Variants in ACAN observed in about 807,000 individuals in gnomAD.
ACAN encodes aggrecan, also known as aggrecan core protein.
ACAN carries 47 observed loss-of-function variants against 169.1 expected under a neutral mutation model. That is an observed-to-expected ratio of 0.28 (90% CI 0.22 to 0.35). ACAN has a LOEUF of 0.35. Ranked by LOEUF, ACAN falls within the 10% of genes least tolerant of loss-of-function variation. ACAN has a pLI of 1.00. For synonymous variants in ACAN, 1,115 were observed against 1,112.2 expected (o/e 1.00, Z -0.05); for missense variants, 2,716 against 2,759.9 (o/e 0.98, Z 0.36).
rs1897433056 is a variant in ACAN, at chr15:88,873,593, C to A, written c.7448-249C>A. ...GGCTCTCGCCCTCCACACCTTTCTA[C>A]CTCCCTTTCATCTTCTCTTCATCCC... On this transcript the variant is annotated intron_variant, in intron 17 of 18. Coordinates refer to ENST00000560601, the MANE Select transcript of ACAN (RefSeq NM_001369268.1). The surrounding 1 kb of genome is among the most constrained non-coding windows in gnomAD (Gnocchi z 7.5). 1 of 538,284 alleles carries A rather than the reference C, an allele frequency of 1.9e-6. No individual in the cohort carries two copies. The highest frequency in any genetic ancestry group is 3.3e-6 in the Non-Finnish European group (1 of 300,756). The allele number at this position is 538,284 out of a possible 1,614,324, so 33.3% of individuals were successfully genotyped here.
intron 1 of ACAN, among the ~76,000 whole-genome samples, chr15:88,831,066 G>A (rs908877800): frequency 6.6e-6 from 1 of 152,158 alleles, no homozygotes; most frequent in Non-Finnish European, 1.5e-5. Context: ...AAAAGAAGAA[G>A]TCTCACCTCG....
In ACAN at chr15:88,838,831, A is replaced by G. The variant is rs972979581; in HGVS notation, c.239A>G (p.Lys80Arg). The change falls in exon 3 of 19, where the codon AAG becomes AGG. Residue 80 changes from lysine (K) to arginine (R), a missense_variant. Lys to Arg is a conservative substitution (Grantham distance 26, BLOSUM62 2). Coordinates refer to ENST00000560601, the MANE Select transcript of ACAN (RefSeq NM_001369268.1). This position sits in a 1 kb window ranked among gnomAD's most constrained non-coding sequence, Gnocchi z 5.1. ...APRIKWSRVS[K>R]EKEVVLLVAT... ...AGAATCAAGTGGAGCCGTGTGTCCA[A>G]GGAGAAGGAGGTAGTGCTGCTGGTG... 9.3e-6 allele frequency: 15 copies of G among 1,613,852 alleles called. No homozygotes were observed. The highest frequency in any genetic ancestry group is 2.2e-5 in the East Asian group (1 of 44,882).
At chr15:88,840,952 A>G (rs111462806) in intron 4 of ACAN, among the ~76,000 whole-genome samples, 36,330 of 151,914 alleles carry the variant, frequency 0.24, 4,617 homozygotes, top group South Asian at 0.33. Context: ...AGACCATCCT[A>G]GCTAACATGG....
In ACAN at chr15:88,863,719, G is replaced by A. The variant is rs536341659; in HGVS notation, c.6946+3280G>A. On this transcript the variant is annotated intron_variant, in intron 13 of 18. Coordinates refer to ENST00000560601, the MANE Select transcript of ACAN (RefSeq NM_001369268.1). ...TGACTTTCCACTCTCTCTTCCTCTA[G>A]GAGAGATGTTTGAATTTCAGAGAAA... Among the ~76,000 whole-genome samples, 226 of 152,282 alleles carry A rather than the reference G, an allele frequency of 1.5e-3. 3 individuals are homozygous for A. In the South Asian group the frequency reaches 0.045, roughly 30 times the overall value.
At position 88,807,747 on chromosome 15, in the gene ACAN, AGTGTGTGT is replaced by A. The variant is rs33937048; in HGVS notation, c.-8+3970_-8+3977del. ...CTCAGAGCCTCCTTATAAGTGGTGG[AGTGTGTGT>A]GTGTGTGTGTGTGTGTGTGTGTGTG... On this transcript the variant is annotated intron_variant, in intron 1 of 18. Coordinates refer to ENST00000560601, the MANE Select transcript of ACAN (RefSeq NM_001369268.1). The surrounding 1 kb of genome is among the most constrained non-coding windows in gnomAD (Gnocchi z 4.0). Among the ~76,000 whole-genome samples, 11 of 142,088 alleles carry A rather than the reference AGTGTGTGT, an allele frequency of 7.7e-5. No homozygotes were observed. In the East Asian group the frequency reaches 1.3e-3, roughly 17 times the overall value. 93.2% of individuals were successfully genotyped at this position (142,088 alleles called of 152,430 possible).
rs1267005914 is a variant in ACAN at position 88,857,745 on chromosome 15, T to G, written c.5160T>G (p.Ser1720=). ...GAACTGAACTCAGTGGCCAAGCATC[T>G]GGGTCTCCTGATGTCAGTGGGGAAA... ...PSGTELSGQA[S]GSPDVSGEIP... is the part of the protein sequence containing the mutation. The change falls in exon 12 of 19, where the codon TCT becomes TCG. Residue 1720 remains serine (S), a synonymous_variant. Coordinates refer to ENST00000560601, the MANE Select transcript of ACAN (RefSeq NM_001369268.1). 1.2e-6 allele frequency: 2 copies of G among 1,613,818 alleles called. No homozygotes were observed. The highest frequency in any genetic ancestry group is 1.7e-6 in the Non-Finnish European group (2 of 1,179,884).
chr15:88,851,868 A>T lies in ACAN; in HGVS notation c.2101A>T (p.Ile701Phe), dbSNP rs1896937409. 6.2e-7 allele frequency: 1 copy of T among 1,612,306 alleles called. No individual in the cohort carries two copies. The highest frequency in any genetic ancestry group is 8.5e-7 in the Non-Finnish European group (1 of 1,179,320). ...ATCACCCTCTGGTGTGGAGGAGTGG[A>T]TCGTGACCCAAGTGGTTCCTGGTGT... ...PTSPSGVEEW[I>F]VTQVVPGVAA... Residue 701 changes from isoleucine (I) to phenylalanine (F), a missense_variant, in exon 11 of 19, where the codon ATC (isoleucine) becomes TTC (phenylalanine). Around this residue, in one of 3 missense-constraint regions of ACAN, gnomAD observed 1,283 missense variants for 1,281.5 expected, o/e 1.00. Transcript: ENST00000560601. The surrounding 1 kb of genome is among the most constrained non-coding windows in gnomAD (Gnocchi z 4.3).
intron 1 of ACAN, among the ~76,000 whole-genome samples, chr15:88,831,438 C>T (rs114321735): frequency 7.8e-4 from 119 of 152,382 alleles, no homozygotes; most frequent in African/African-American, 2.7e-3. Flanking sequence ...TGTGAGCCTC[C>T]AGTCCCATCC....
chr15:88,871,496 A>G lies in ACAN; in HGVS notation c.7175A>G (p.His2392Arg), dbSNP rs778792706. ...AERRCREQQS[H>R]LSSIVTPEEQ... ...CGCCGGTGTCGGGAGCAGCAGTCAC[A>G]CCTGAGCAGCATCGTCACCCCCGAG... is the stretch of plus-strand genomic sequence containing the variant. Residue 2392 changes from histidine to arginine, a missense_variant, in exon 15 of 19, where the codon CAC becomes CGC. Physicochemically the swap from His to Arg is conservative, Grantham distance 29. Around this residue, in one of 3 missense-constraint regions of ACAN, gnomAD observed 1,389 missense variants for 1,363.7 expected, o/e 1.02. Coordinates refer to ENST00000560601, the MANE Select transcript of ACAN (RefSeq NM_001369268.1). The surrounding 1 kb of genome is among the most constrained non-coding windows in gnomAD (Gnocchi z 7.8). 2.5e-6 allele frequency: 4 copies of G among 1,613,772 alleles called. No homozygotes were observed. In the African/African-American group the frequency reaches 4.0e-5, roughly 16 times the overall value.
rs1211276366 is a variant in ACAN, at chr15:88,870,740, C to T, written c.7061-642C>T. Among the ~76,000 whole-genome samples, 1 of 152,170 alleles carries T rather than the reference C, an allele frequency of 6.6e-6. No individual in the cohort carries two copies. Among genetic ancestry groups the T allele is most frequent in the African/African-American group, 2.4e-5 (1 of 41,438 alleles). Reference sequence around the variant, plus strand: ...CACCCCCAAAATAAAAAGCCAGGGCCCCTGGATCCCAGACCCCCAATGGGC... The same window carrying T: ...CACCCCCAAAATAAAAAGCCAGGGCTCCTGGATCCCAGACCCCCAATGGGC... On this transcript the variant is annotated intron_variant, in intron 14 of 18. Transcript: ENST00000560601. The surrounding 1 kb of genome is among the most constrained non-coding windows in gnomAD (Gnocchi z 6.3).
At position 88,857,085 on chromosome 15, in the gene ACAN, C is replaced by T; in HGVS notation, c.4500C>T (p.Ala1500=). The stretch of plus-strand genomic sequence containing the variant: ...CTGGAGAGGTTGTAGAGACTTCTGC[C>T]TCTGGAATAGAGGATGTCAGTGAAC... The part of the protein sequence containing the change: ...LPSGEVVETS[A]SGIEDVSELP... Residue 1500 remains alanine, a synonymous_variant, in exon 12 of 19, where the codon GCC becomes GCT. Transcript: ENST00000560601. The T allele has an allele frequency of 6.2e-7, 1 of 1,605,954 alleles. No individual in the cohort carries two copies. The highest frequency in any genetic ancestry group is 8.5e-7 in the Non-Finnish European group (1 of 1,175,266).
At chr15:88,813,644 A>G (rs1442756469) in intron 1 of ACAN, among the ~76,000 whole-genome samples, 1 of 152,212 alleles carries the variant, frequency 6.6e-6, no homozygotes, top group Admixed American at 6.5e-5. Flanking sequence ...CTACTGGGCT[A>G]CCCAGCATGT....
In ACAN at chr15:88,855,389, G is replaced by T. The variant is rs1489062655; in HGVS notation, c.2804G>T (p.Gly935Val). Residue 935 changes from glycine to valine, a missense_variant, in exon 12 of 19, where the codon GGT becomes GTT. Physicochemically the swap from Gly to Val is moderately radical, Grantham distance 109 (BLOSUM62 -3). This residue lies in a region of ACAN where 1,283 missense variants were observed against 1,281.5 expected (regional missense o/e 1.00). Transcript: ENST00000560601. ...GAGTGGCCCAGCACTCCTACGGTTG[G>T]TGAACTGCCCTCTGGAGCTGAGATC... is the stretch of plus-strand genomic sequence containing the variant. ...RIEWPSTPTV[G>V]ELPSGAEILE... 1.2e-6 allele frequency: 2 copies of T among 1,613,136 alleles called. No individual in the cohort carries two copies. Among genetic ancestry groups the T allele is most frequent in the Middle Eastern group, 1.6e-4 (1 of 6,082 alleles).
intron 1 of ACAN, among the ~76,000 whole-genome samples, chr15:88,834,238 C>T (rs911078274): frequency 1.3e-5 from 2 of 152,212 alleles, no homozygotes; most frequent in South Asian, 2.1e-4. Context: ...CATGCATTCA[C>T]GCCATACCCC....
rs1364040165 is a variant in ACAN, at chr15:88,870,379, G to A, written c.7061-1003G>A. Among the ~76,000 whole-genome samples, 3 of 152,186 alleles carry A rather than the reference G, an allele frequency of 2.0e-5. No individual in the cohort carries two copies. Among genetic ancestry groups the A allele is most frequent in the Non-Finnish European group, 4.4e-5 (3 of 68,034 alleles). On this transcript the variant is annotated intron_variant, in intron 14 of 18. Transcript: ENST00000560601. This position sits in a 1 kb window ranked among gnomAD's most constrained non-coding sequence, Gnocchi z 6.3. ...ATCCCAGGGGAAGAAGGAAGAAGGG[G>A]GGCCTTGGAATTCACTCTGTCCCAC...
intron 1 of ACAN, among the ~76,000 whole-genome samples, chr15:88,830,972 G>T (rs1166500137): frequency 6.6e-6 from 1 of 152,186 alleles, no homozygotes; most frequent in African/African-American, 2.4e-5. Context: ...GTTGTTGACT[G>T]AAATGTTATG....
Position 88,857,165 on chromosome 15 carries a change from G to T in ACAN, c.4580G>T (p.Arg1527Met). Residue 1527 changes from arginine (R) to methionine (M), a missense_variant, in exon 12 of 19, where the codon AGG becomes ATG. Coordinates refer to ENST00000560601, the MANE Select transcript of ACAN (RefSeq NM_001369268.1). Reference sequence around the variant, plus strand: ...GCTTCTGGAGTAGAGGACCTCAGCAGGCTCCCTTCTGGAGAAGAAGTTCTA... The same window carrying T: ...GCTTCTGGAGTAGAGGACCTCAGCATGCTCCCTTCTGGAGAAGAAGTTCTA... ...TSASGVEDLS[R>M]LPSGEEVLEI... 6.2e-7 allele frequency: 1 copy of T among 1,613,824 alleles called. No homozygotes were observed.
Position 88,839,932 on chromosome 15 carries a change from C to T in ACAN, c.455-80C>T. The T allele has an allele frequency of 3.3e-6, 5 of 1,509,948 alleles. No individual in the cohort carries two copies. The highest frequency in any genetic ancestry group is 3.4e-4 in the Middle Eastern group (2 of 5,860). 93.5% of individuals were successfully genotyped at this position (1,509,948 alleles called of 1,614,324 possible). A position where few individuals can be genotyped will look rare whatever the true frequency, so the allele number is the denominator to read the frequency against. ...TCCCTAAGGTCCCTTTGACTATTGC[C>T]ATAATTCTGCGAGGGCCTCGGTGAT... On this transcript the variant is annotated intron_variant, in intron 3 of 18. Coordinates refer to ENST00000560601, the MANE Select transcript of ACAN (RefSeq NM_001369268.1). This position sits in a 1 kb window ranked among gnomAD's most constrained non-coding sequence, Gnocchi z 4.5.
chr15:88,853,615 G>T (rs1232959434), intron 11 of ACAN, among the ~76,000 whole-genome samples: 1 of 151,996 alleles, frequency 6.6e-6, no homozygotes, highest in Admixed American at 6.6e-5. Flanking sequence ...TGCAGCCTGG[G>T]CAACAGAGCA....
Sources: allele counts gnomAD v4.1 joint callset (sites outside exome capture counted in the v4.1 genomes callset), GRCh38; gene constraint gnomAD v4.1.1; regional missense constraint gnomAD v4.1.1; non-coding constraint Gnocchi (gnomAD v3.1); transcripts MANE v1.5; gene names NCBI Gene and HGNC (gene_info 2026-07-23, HGNC 2026-07-21).